The following SPAG16 variants were observed in gnomAD, a reference collection of about 807,000 sequenced individuals.
SPAG16 encodes sperm associated antigen 16, also known as sperm-associated antigen 16 protein.
Under a neutral mutation model 80.4 loss-of-function variants are expected in SPAG16, and 86 were observed. The ratio of observed to expected loss-of-function variants is 1.07; its 90% CI spans 0.90 to 1.28. SPAG16 has a LOEUF of 1.28. SPAG16 is among the 50% of genes most tolerant of loss of function. The probability of loss-of-function intolerance (pLI) is 0.00; values close to 1 mark genes in which losing one functional copy is unlikely to be tolerated. For missense variants in SPAG16, 870 were observed against 765.3 expected, an observed-to-expected ratio of 1.14 and a Z score of -1.61; for synonymous variants, 294 against 265.9, an observed-to-expected ratio of 1.11 and a Z score of -1.03.
At chr2:214,061,616 G>A (rs2050259434) in intron 13 of SPAG16, among the ~76,000 whole-genome samples, 1 of 152,198 alleles carries the variant, frequency 6.6e-6, no homozygotes, top group Middle Eastern at 3.4e-3. Flanking sequence ...TGACCCACCT[G>A]CATTATGGAA....
At chr2:213,358,046 G>T (rs904770473) in intron 7 of SPAG16, among the ~76,000 whole-genome samples, 4 of 152,070 alleles carry the variant, frequency 2.6e-5, no homozygotes, top group Non-Finnish European at 4.4e-5. Flanking sequence ...GAAATTCTGG[G>T]TTGAAAATTC....
intron 10 of SPAG16, among the ~76,000 whole-genome samples, chr2:213,519,716 C>T (rs1334589352): frequency 2.0e-5 from 3 of 152,080 alleles, no homozygotes. Flanking sequence ...AACAAACTCT[C>T]TTCAGCAATA....
chr2:214,015,192 A>C (rs1182382929), intron 13 of SPAG16, among the ~76,000 whole-genome samples: 1 of 152,198 alleles, frequency 6.6e-6, no homozygotes, highest in Non-Finnish European at 1.5e-5. Context: ...CCCTTACTGC[A>C]CATGTTCCAT....
chr2:213,658,665 T>C (rs983229310), intron 10 of SPAG16, among the ~76,000 whole-genome samples: 29 of 152,128 alleles, frequency 1.9e-4, no homozygotes, highest in Admixed American at 1.9e-3. Flanking sequence ...TGCCCCAGAG[T>C]CTTTGCACTT....
Position 213,692,531 on chromosome 2 carries a change from C to T in SPAG16, c.1071-169954C>T, listed in dbSNP as rs539059718. 1.7e-4 allele frequency among the ~76,000 whole-genome samples: 26 copies of T among 152,122 alleles called. No homozygotes were observed. The South Asian group carries it at 5.0e-3, about 29-fold the overall frequency. ...GTTTCCTTAAAAATGTTTTGTCTGC[C>T]GGGCATGGTGGCTCATGCTTGTAAA... is the stretch of plus-strand genomic sequence containing the variant. On this transcript the variant is annotated intron_variant, in intron 10 of 15. Transcript: ENST00000331683.
intron 12 of SPAG16, among the ~76,000 whole-genome samples, chr2:213,931,574 AAT>A (rs2078752662): frequency 6.6e-6 from 1 of 152,164 alleles, no homozygotes; most frequent in African/African-American, 2.4e-5. Context: ...TCTAAAATGT[AAT>A]ATGTCTTTAG....
chr2:214,152,731 G>T (rs1034815167), intron 15 of SPAG16, among the ~76,000 whole-genome samples: 1 of 152,136 alleles, frequency 6.6e-6, no homozygotes, highest in South Asian at 2.1e-4. Flanking sequence ...AAAGGGGCAG[G>T]GTAAAGAGTG....
chr2:213,462,895 T>G lies in SPAG16; in HGVS notation c.943-27068T>G, dbSNP rs548326207. Among the ~76,000 whole-genome samples the G allele has an allele frequency of 5.3e-5, 8 of 152,114 alleles. No individual in the cohort carries two copies. The South Asian group carries it at 1.7e-3, about 32-fold the overall frequency. On this transcript the variant is annotated intron_variant, in intron 9 of 15. Transcript: ENST00000331683. ...GTGCTGCTATCAAGATACCCCAAAA[T>G]GTGGAAGCTACTTTGGAACTGGGTA... is the stretch of plus-strand genomic sequence containing the variant.
At chr2:213,294,833 A>G (rs182243547) in intron 1 of SPAG16, among the ~76,000 whole-genome samples, 5 of 152,184 alleles carry the variant, frequency 3.3e-5, no homozygotes, top group Admixed American at 3.3e-4. Flanking sequence ...TGGAGAGGCA[A>G]TATAATATGG....
At position 214,010,133 on chromosome 2, in the gene SPAG16, T is replaced by C. The variant is rs1229034108; in HGVS notation, c.1401-3818T>C. On this transcript the variant is annotated intron_variant, in intron 12 of 15. Coordinates refer to ENST00000331683, the MANE Select transcript of SPAG16 (RefSeq NM_024532.5). ...AAATATTTTATTATGATTTGTAAGATGATAGATGCAAATAAAAAGCAGACT... is the reference window on the plus strand; with the variant it reads ...AAATATTTTATTATGATTTGTAAGACGATAGATGCAAATAAAAAGCAGACT... Among the ~76,000 whole-genome samples, 11 of 145,948 alleles carry C rather than the reference T, an allele frequency of 7.5e-5. No individual in the cohort carries two copies. In the East Asian group the frequency reaches 2.2e-3, roughly 29 times the overall value.
intron 13 of SPAG16, among the ~76,000 whole-genome samples, chr2:214,051,453 A>G (rs996164715): frequency 4.6e-5 from 7 of 152,176 alleles, no homozygotes; most frequent in Non-Finnish European, 5.9e-5. Flanking sequence ...TTGGAGAGCA[A>G]AGTTGTATTA....
chr2:213,540,246 T>TAGAG (rs2076398165), intron 10 of SPAG16, among the ~76,000 whole-genome samples: 1 of 151,992 alleles, frequency 6.6e-6, no homozygotes, highest in Admixed American at 6.6e-5. Context: ...GAGACGGGGT[T>TAGAG]TCACTGTGTT....
chr2:214,226,117 A>G (rs2058692147), intron 15 of SPAG16, among the ~76,000 whole-genome samples: 1 of 152,106 alleles, frequency 6.6e-6, no homozygotes, highest in Non-Finnish European at 1.5e-5. Flanking sequence ...TTAGCTTAAA[A>G]CATGAAGCAC....
At chr2:213,743,227 T>C (rs1231009699) in intron 10 of SPAG16, among the ~76,000 whole-genome samples, 4 of 152,208 alleles carry the variant, frequency 2.6e-5, no homozygotes, top group Non-Finnish European at 5.9e-5. Context: ...TAAAAAATTA[T>C]TTTAGTGTTT....
At chr2:214,285,980 G>A (rs1333789126) in intron 15 of SPAG16, among the ~76,000 whole-genome samples, 2 of 152,026 alleles carry the variant, frequency 1.3e-5, no homozygotes, top group Non-Finnish European at 2.9e-5. Flanking sequence ...TTTTCTTCTA[G>A]TAGTTTTATG....
At chr2:214,145,429 G>GTTCAGAAGTAATAGTAAAAGT (rs576246999) in intron 14 of SPAG16, among the ~76,000 whole-genome samples, 53 of 152,034 alleles carry the variant, frequency 3.5e-4, no homozygotes, top group Middle Eastern at 3.4e-3. Flanking sequence ...TTATAATAAA[G>GTTCAGAAGTAATAGTAAAAGT]TTCAGAAGTA....
chr2:213,798,639 C>T (rs992137347), intron 10 of SPAG16, among the ~76,000 whole-genome samples: 7 of 152,228 alleles, frequency 4.6e-5, no homozygotes, highest in African/African-American at 1.7e-4. Context: ...ACTTTTAATA[C>T]AATCTAATGA....
At chr2:213,360,155 G>T (rs1180928821) in intron 7 of SPAG16, among the ~76,000 whole-genome samples, 2 of 152,146 alleles carry the variant, frequency 1.3e-5, no homozygotes, top group Non-Finnish European at 2.9e-5. Context: ...CATGGACAAT[G>T]CTAATACTGA....
intron 10 of SPAG16, among the ~76,000 whole-genome samples, chr2:213,736,794 T>G (rs1574986629): frequency 6.6e-6 from 1 of 151,480 alleles, no homozygotes; most frequent in African/African-American, 2.4e-5. Context: ...AACCTCTGCC[T>G]CCTCGGTTCA....
Sources: allele counts gnomAD v4.1 joint callset (sites outside exome capture counted in the v4.1 genomes callset), GRCh38; gene constraint gnomAD v4.1.1; transcripts MANE v1.5; gene names NCBI Gene and HGNC (gene_info 2026-07-23, HGNC 2026-07-21).